Variants in WIPF3 observed in about 807,000 individuals in gnomAD.
WIPF3 encodes the protein WAS/WASL-interacting protein family member 3.
Under a neutral mutation model 38.9 loss-of-function variants are expected in WIPF3, and 33 were observed. The ratio of observed to expected loss-of-function variants is 0.85; its 90% CI spans 0.64 to 1.14. The LOEUF is 1.14. Ranked by LOEUF, WIPF3 falls within the 50% of genes most tolerant of loss-of-function variation. The pLI is 0.00. For synonymous variants in WIPF3, 324 were observed against 269.3 expected (o/e 1.20, Z -1.99); for missense variants, 711 against 652.5 (o/e 1.09, Z -0.98).
At chr7:29,909,986 A>G (rs1355358347) in intron 8 of WIPF3, among the ~76,000 whole-genome samples, 2 of 152,176 alleles carry the variant, frequency 1.3e-5, no homozygotes, top group Non-Finnish European at 2.9e-5. Context: ...GGTATAAAAA[A>G]TAGTTAGAAT....
chr7:29,901,468 C>T (rs930442538), intron 7 of WIPF3, among the ~76,000 whole-genome samples: 1 of 147,674 alleles, frequency 6.8e-6, no homozygotes, highest in African/African-American at 2.5e-5. Flanking sequence ...TTAACCTCCC[C>T]AATATTGTTT....
At chr7:29,837,891 T>C (rs1354907231) in intron 2 of WIPF3, among the ~76,000 whole-genome samples, 1 of 152,116 alleles carries the variant, frequency 6.6e-6, no homozygotes, top group Non-Finnish European at 1.5e-5. Context: ...TTTAGTGAGA[T>C]ATTTTTATTT....
chr7:29,861,790 A>G (rs1307066420), intron 2 of WIPF3, among the ~76,000 whole-genome samples: 1 of 152,110 alleles, frequency 6.6e-6, no homozygotes, highest in African/African-American at 2.4e-5. Flanking sequence ...TTGTTGGGAG[A>G]CTCACATGCC....
chr7:29,810,427 G>A (rs1045750763), intron 1 of WIPF3, among the ~76,000 whole-genome samples: 6 of 152,178 alleles, frequency 3.9e-5, no homozygotes, highest in Admixed American at 3.9e-4. Flanking sequence ...AAAGGTTGTT[G>A]AATGAATTAA....
intron 4 of WIPF3, among the ~76,000 whole-genome samples, chr7:29,880,407 A>G (rs559193781): frequency 6.6e-5 from 10 of 152,242 alleles, no homozygotes; most frequent in Admixed American, 5.2e-4. Context: ...GAACCTTCTC[A>G]GGGGCCATGT....
At chr7:29,846,588 C>T (rs1785004994) in intron 2 of WIPF3, among the ~76,000 whole-genome samples, 1 of 152,174 alleles carries the variant, frequency 6.6e-6, no homozygotes, top group Non-Finnish European at 1.5e-5. Flanking sequence ...GTAATCCCAG[C>T]TACTCGGGAG....
chr7:29,895,830 A>G (rs1454208460), intron 7 of WIPF3, among the ~76,000 whole-genome samples: 1 of 152,216 alleles, frequency 6.6e-6, no homozygotes. Context: ...ATCTGCCCCC[A>G]TGACTCAGAC....
intron 4 of WIPF3, 142 bp from the exon 5 acceptor site, chr7:29,883,708 G>C: frequency 8.3e-7 from 1 of 1,200,802 alleles, no homozygotes. Context: ...GGCACCTGAG[G>C]CCTCTCAGTG....
Position 29,916,110 on chromosome 7 carries a change from T to A in WIPF3, c.*1594T>A, listed in dbSNP as rs1786609859. On this transcript the variant is annotated 3_prime_UTR_variant, in exon 9 of 9. Coordinates refer to ENST00000242140, the MANE Select transcript of WIPF3 (RefSeq NM_001080529.3). ...AGTGAGCCAGGGTCAAATTCCCTTC[T>A]CCAGGGGAATGAATCAAGCCCAAAC... The A allele has an allele frequency of 6.6e-6, 1 of 152,164 alleles. No homozygotes were observed. Among genetic ancestry groups the A allele is most frequent in the Non-Finnish European group, 1.5e-5 (1 of 68,042 alleles). The allele number at this position is 152,164 out of a possible 1,614,324, so 9.4% of individuals were successfully genotyped here. A position where few individuals can be genotyped will look rare whatever the true frequency, so the allele number is the denominator to read the frequency against.
chr7:29,836,144 A>T (rs1236902773), intron 2 of WIPF3, among the ~76,000 whole-genome samples: 1 of 152,240 alleles, frequency 6.6e-6, no homozygotes, highest in African/African-American at 2.4e-5. Context: ...ATATAAACAA[A>T]GAATAGGAAT....
At chr7:29,837,229 G>A (rs994858248) in intron 2 of WIPF3, among the ~76,000 whole-genome samples, 7 of 151,766 alleles carry the variant, frequency 4.6e-5, no homozygotes, top group Admixed American at 3.3e-4. Context: ...GGTGGTGGGC[G>A]CCTGTAGTCC....
intron 1 of WIPF3, among the ~76,000 whole-genome samples, chr7:29,830,781 G>A (rs1447841146): frequency 6.6e-6 from 1 of 152,166 alleles, no homozygotes; most frequent in African/African-American, 2.4e-5. Context: ...CGTCTACCAC[G>A]TGGTTGTTGA....
At chr7:29,882,062 C>G (rs376275141) in intron 4 of WIPF3, among the ~76,000 whole-genome samples, 2 of 152,214 alleles carry the variant, frequency 1.3e-5, no homozygotes, top group Admixed American at 6.5e-5. Context: ...GGGGCATGCC[C>G]GCCCTCGCTT....
chr7:29,809,942 T>G (rs1332511926), intron 1 of WIPF3, among the ~76,000 whole-genome samples: 1 of 151,880 alleles, frequency 6.6e-6, no homozygotes, highest in Non-Finnish European at 1.5e-5. Flanking sequence ...CAGGAGAGAG[T>G]GCCAGGCCTG....
At chr7:29,904,210 G>C in intron 7 of WIPF3, 76 bp from the exon 8 acceptor site, 1 of 1,446,650 alleles carries the variant, frequency 6.9e-7, no homozygotes, top group Non-Finnish European at 9.7e-7. Context: ...TGCTGATTTA[G>C]AGAAAGTTTC....
intron 3 of WIPF3, among the ~76,000 whole-genome samples, chr7:29,877,989 G>A (rs745897832): frequency 6.6e-5 from 10 of 152,142 alleles, no homozygotes; most frequent in Non-Finnish European, 1.2e-4. Flanking sequence ...AATTCTTAAA[G>A]ATAGTCCTAA....
chr7:29,874,234 CTCAAG>C (rs938874688), intron 2 of WIPF3, among the ~76,000 whole-genome samples: 1 of 152,104 alleles, frequency 6.6e-6, no homozygotes, highest in Non-Finnish European at 1.5e-5. Context: ...CACTCACTCA[CTCAAG>C]TCATTTATTC....
At chr7:29,865,730 T>C (rs1161174606) in intron 2 of WIPF3, among the ~76,000 whole-genome samples, 1 of 152,188 alleles carries the variant, frequency 6.6e-6, no homozygotes, top group Non-Finnish European at 1.5e-5. Flanking sequence ...TTCCATTAGA[T>C]CCAGCAATGC....
intron 7 of WIPF3, among the ~76,000 whole-genome samples, chr7:29,889,659 T>G (rs1785965094): frequency 6.6e-6 from 1 of 152,194 alleles, no homozygotes; most frequent in South Asian, 2.1e-4. Flanking sequence ...ATGCCTAAAC[T>G]TACCACTCAT....
Sources: gnomAD v4.1 joint callset for allele counts (sites outside exome capture counted in the v4.1 genomes callset) on GRCh38, gnomAD v4.1.1 for gene constraint, MANE v1.5 for transcripts, NCBI Gene and HGNC (gene_info 2026-07-23, HGNC 2026-07-21) for gene names.